TRAPPC9: variants seen among roughly 807,000 people sequenced by gnomAD.
The protein encoded by TRAPPC9 is IKK2 binding protein.
In TRAPPC9, 83 loss-of-function variants were observed where a neutral mutation model predicts 124.0. That is an observed-to-expected ratio of 0.67 (90% CI 0.56 to 0.80). The LOEUF is 0.80. TRAPPC9 is among the 30% of genes least tolerant of loss of function. The probability of loss-of-function intolerance (pLI) is 0.00; values close to 1 mark genes in which losing one functional copy is unlikely to be tolerated. For missense variants in TRAPPC9, 1,302 were observed against 1,508.3 expected (o/e 0.86, Z 2.27); for synonymous variants, 638 against 617.5 (o/e 1.03, Z -0.49).
chr8:140,350,481 A>T (rs998382297), intron 9 of TRAPPC9, among the ~76,000 whole-genome samples: 22 of 152,206 alleles, frequency 1.4e-4, no homozygotes, highest in African/African-American at 5.3e-4. Context: ...TATCAAAGGG[A>T]GGCTGTCCAT....
At chr8:140,034,308 T>G (rs1840739179) in intron 17 of TRAPPC9, among the ~76,000 whole-genome samples, 1 of 152,232 alleles carries the variant, frequency 6.6e-6, no homozygotes, top group African/African-American at 2.4e-5. Flanking sequence ...TTTCCATACT[T>G]CATAACCTGG....
rs141482178 is a variant in TRAPPC9, at chr8:139,939,650, G to A, written c.2811-29350C>T. Among the ~76,000 whole-genome samples the A allele has an allele frequency of 4.5e-3, 687 of 152,326 alleles. 13 individuals are homozygous for A. Among genetic ancestry groups the A allele is most frequent in the East Asian group, 0.02 (104 of 5,174 alleles). On this transcript the variant is annotated intron_variant, in intron 19 of 22. Coordinates refer to ENST00000438773, the MANE Select transcript of TRAPPC9 (RefSeq NM_001160372.4). ...GCCCCGTGTCCCAGGCCACCCCGTC[G>A]CTGGGGGCTCTGTGCCTCCCTCTGG...
intron 16 of TRAPPC9, among the ~76,000 whole-genome samples, chr8:140,233,075 T>C (rs1290040493): frequency 6.6e-6 from 1 of 152,210 alleles, no homozygotes; most frequent in Non-Finnish European, 1.5e-5. Flanking sequence ...ATCAAAGAAA[T>C]CACAGAGCTG....
intron 9 of TRAPPC9, among the ~76,000 whole-genome samples, chr8:140,359,699 T>C (rs1475434084): frequency 6.6e-6 from 1 of 152,216 alleles, no homozygotes; most frequent in East Asian, 1.9e-4. Flanking sequence ...CTCCTCTATG[T>C]AAATGTTATG....
rs572483665 is a variant in TRAPPC9 at position 139,825,106 on chromosome 8, G to A, written c.3055+60773C>T. On this transcript the variant is annotated intron_variant, in intron 21 of 22. Coordinates refer to ENST00000438773, the MANE Select transcript of TRAPPC9 (RefSeq NM_001160372.4). The surrounding 1 kb of genome is among the most constrained non-coding windows in gnomAD (Gnocchi z 4.6). ...CTGGAGTGGGGGTCACAGATGACCC[G>A]GGCCCTGGACGTGGGACGTGGGCTG... is the stretch of plus-strand genomic sequence containing the variant. 2.6e-5 allele frequency among the ~76,000 whole-genome samples: 4 copies of A among 152,080 alleles called. No individual in the cohort carries two copies. The highest frequency in any genetic ancestry group is 4.2e-4 in the South Asian group (2 of 4,818).
intron 17 of TRAPPC9, among the ~76,000 whole-genome samples, chr8:140,118,087 G>T (rs2060922988): frequency 6.6e-6 from 1 of 152,190 alleles, no homozygotes; most frequent in Non-Finnish European, 1.5e-5. Context: ...TAAACTCTAT[G>T]AGATGGTCAC....
intron 6 of TRAPPC9, among the ~76,000 whole-genome samples, chr8:140,399,305 C>T (rs965811845): frequency 2.6e-5 from 4 of 152,226 alleles, no homozygotes; most frequent in African/African-American, 9.6e-5. Flanking sequence ...AAGAAAGCCA[C>T]CATCCTGCAG....
intron 5 of TRAPPC9, among the ~76,000 whole-genome samples, chr8:140,422,753 CAA>C (rs34303137): frequency 2.9e-5 from 3 of 104,094 alleles, no homozygotes; most frequent in Admixed American, 1.0e-4. Context: ...GATTCTGTCT[CAA>C]AAAAAAAAAA....
chr8:140,398,412 G>A (rs2069157361), intron 6 of TRAPPC9, among the ~76,000 whole-genome samples: 1 of 152,172 alleles, frequency 6.6e-6, no homozygotes, highest in Non-Finnish European at 1.5e-5. Context: ...TTGTCGAATG[G>A]CTTTGACCAA....
At chr8:140,150,765 C>A (rs961168415) in intron 17 of TRAPPC9, among the ~76,000 whole-genome samples, 10 of 152,132 alleles carry the variant, frequency 6.6e-5, no homozygotes, top group African/African-American at 2.4e-4. Flanking sequence ...TTCAAGGGTC[C>A]GGGGACCCAG....
intron 17 of TRAPPC9, among the ~76,000 whole-genome samples, chr8:140,141,276 C>T (rs548445613): frequency 6.6e-6 from 1 of 152,244 alleles, no homozygotes; most frequent in African/African-American, 2.4e-5. Context: ...GGATTGAGTG[C>T]CTTCTGAGTA....
In TRAPPC9 at chr8:140,063,204, C is replaced by T. The variant is rs1842729659; in HGVS notation, c.2557-39125G>A. Among the ~76,000 whole-genome samples, 1 of 152,118 alleles carries T rather than the reference C, an allele frequency of 6.6e-6. No individual in the cohort carries two copies. Among genetic ancestry groups the T allele is most frequent in the Non-Finnish European group, 1.5e-5 (1 of 68,034 alleles). The stretch of plus-strand genomic sequence containing the variant: ...CTGGTCTCTCCCTTGATACATGGGG[C>T]TTATGGAGATTATAATTTACAGTGA... On this transcript the variant is annotated intron_variant, in intron 17 of 22. Transcript: ENST00000438773. The surrounding 1 kb of genome is among the most constrained non-coding windows in gnomAD (Gnocchi z 4.3).
chr8:140,254,870 G>A (rs1013957613), intron 15 of TRAPPC9, among the ~76,000 whole-genome samples: 1 of 152,224 alleles, frequency 6.6e-6, no homozygotes, highest in Non-Finnish European at 1.5e-5. Context: ...GACATTTCAT[G>A]GTGAAGTTCA....
chr8:140,195,239 C>T (rs1397405577), intron 17 of TRAPPC9, among the ~76,000 whole-genome samples: 4 of 151,512 alleles, frequency 2.6e-5, no homozygotes, highest in African/African-American at 4.9e-5. Context: ...ACAGATAACA[C>T]CTGTGACACT....
Position 140,079,361 on chromosome 8 carries a change from G to T in TRAPPC9, c.2557-55282C>A, listed in dbSNP as rs1017536342. Among the ~76,000 whole-genome samples the T allele has an allele frequency of 1.3e-4, 20 of 152,162 alleles. 1 individual carries two copies. The highest frequency in any genetic ancestry group is 4.8e-4 in the African/African-American group (20 of 41,438). ...AATGGGTGACACTTAGTTCACTCTT[G>T]GTTCTGCTCCTTTAACAGGTGTTTG... On this transcript the variant is annotated intron_variant, in intron 17 of 22. Transcript: ENST00000438773.
chr8:140,405,028 G>A (rs1264809653), intron 6 of TRAPPC9, among the ~76,000 whole-genome samples: 1 of 152,060 alleles, frequency 6.6e-6, no homozygotes, highest in Non-Finnish European at 1.5e-5. Flanking sequence ...AGAGGAGGTA[G>A]AGGACTTTCA....
At chr8:139,737,616 GCTC>G (rs1020424649) in intron 21 of TRAPPC9, among the ~76,000 whole-genome samples, 3 of 152,206 alleles carry the variant, frequency 2.0e-5, no homozygotes, top group Non-Finnish European at 2.9e-5. Flanking sequence ...GGCAGGACTG[GCTC>G]CTCCTTCCCT....
intron 21 of TRAPPC9, among the ~76,000 whole-genome samples, chr8:139,804,370 T>TCAC (rs1229937551): frequency 1.4e-4 from 1 of 7,366 alleles, no homozygotes. Context: ...CCACCACCAC[T>TCAC]CACCACCACC....
chr8:140,183,827 C>T lies in TRAPPC9; in HGVS notation c.2556+37632G>A, dbSNP rs527680969. ...CCAAGATCAACTCACTGCACACCAGCCTGAGTGACAGAATGAGACTTTGTC... is the reference window on the plus strand; with the variant it reads ...CCAAGATCAACTCACTGCACACCAGTCTGAGTGACAGAATGAGACTTTGTC... On this transcript the variant is annotated intron_variant, in intron 17 of 22. Transcript: ENST00000438773. Among the ~76,000 whole-genome samples, 74 of 146,326 alleles carry T rather than the reference C, an allele frequency of 5.1e-4. 2 individuals carry two copies. In the South Asian group the frequency reaches 0.01, roughly 20 times the overall value.
Sources: gnomAD v4.1 joint callset for allele counts (sites outside exome capture counted in the v4.1 genomes callset) on GRCh38, gnomAD v4.1.1 for gene constraint, Gnocchi (gnomAD v3.1) non-coding constraint, MANE v1.5 for transcripts, NCBI Gene and HGNC (gene_info 2026-07-23, HGNC 2026-07-21) for gene names.